Variants in TIAM1 observed in about 807,000 individuals in gnomAD.
The protein encoded by TIAM1 is TIAM Rac1 associated GEF 1.
In TIAM1, 65 loss-of-function variants were observed where a neutral mutation model predicts 163.5. The ratio of observed to expected loss-of-function variants is 0.40; its 90% CI spans 0.33 to 0.49. TIAM1 has a LOEUF of 0.49. TIAM1 is among the 20% of genes least tolerant of loss of function. TIAM1 has a pLI of 0.77. For synonymous variants in TIAM1, 833 were observed against 810.1 expected (o/e 1.03, Z -0.48); for missense variants, 1,789 against 2,044.7 (o/e 0.87, Z 2.41).
chr21:31,393,371 T>A (rs903176767), intron 2 of TIAM1, among the ~76,000 whole-genome samples: 2 of 152,244 alleles, frequency 1.3e-5, no homozygotes, highest in Non-Finnish European at 2.9e-5. Flanking sequence ...GGCTGTCCAC[T>A]GACGTCCACT....
chr21:31,136,153 G>T (rs1165161831), intron 22 of TIAM1, 112 bp from the exon 23 acceptor site: 4 of 912,734 alleles, frequency 4.4e-6, no homozygotes, highest in Non-Finnish European at 6.8e-6. Context: ...AGAAAATACT[G>T]CTCCTAAAAA....
intron 16 of TIAM1, chr21:31,160,817 T>C (rs1298574550): frequency 3.6e-6 from 1 of 280,164 alleles, no homozygotes; most frequent in Admixed American, 5.3e-5. Context: ...GGCTTTGATT[T>C]CACCTGGCTA....
chr21:31,386,304 G>A (rs963534294), intron 2 of TIAM1, among the ~76,000 whole-genome samples: 1 of 152,040 alleles, frequency 6.6e-6, no homozygotes, highest in African/African-American at 2.4e-5. Flanking sequence ...CCCTGCCCCT[G>A]GCTTCTCAGG....
intron 1 of TIAM1, among the ~76,000 whole-genome samples, chr21:31,468,650 C>A (rs2045621769): frequency 6.6e-6 from 1 of 151,968 alleles, no homozygotes; most frequent in Non-Finnish European, 1.5e-5. Flanking sequence ...GTGTCGGGTG[C>A]CTGTTGTCCC....
At chr21:31,454,166 C>A (rs542823565) in intron 2 of TIAM1, among the ~76,000 whole-genome samples, 1 of 152,288 alleles carries the variant, frequency 6.6e-6, no homozygotes, top group South Asian at 2.1e-4. Context: ...TCTCCCCCTG[C>A]TAGAATGCAA....
chr21:31,359,547 C>A (rs917069005), intron 2 of TIAM1, among the ~76,000 whole-genome samples: 1 of 152,096 alleles, frequency 6.6e-6, no homozygotes, highest in Non-Finnish European at 1.5e-5. Context: ...GTAATCCCAG[C>A]ACTTTGGGAG....
intron 2 of TIAM1, among the ~76,000 whole-genome samples, chr21:31,412,248 G>A (rs80307707): frequency 1.1e-3 from 169 of 152,272 alleles, no homozygotes; most frequent in African/African-American, 3.9e-3. Flanking sequence ...TGTAGAGTGT[G>A]GAACGATAGA....
At chr21:31,210,721 GAAAGAAAGAGAAAGAAGGAAGGAAGGGA>G (rs2086798905) in intron 10 of TIAM1, among the ~76,000 whole-genome samples, 2 of 102,068 alleles carry the variant, frequency 2.0e-5, no homozygotes, top group African/African-American at 1.0e-4. Context: ...GAAAGAGAAA[GAAAGAAAGAGAAAGAAGGAAGGAAGGGA>G]GAAAGAAAGA....
chr21:31,278,490 C>T (rs2073402474), intron 2 of TIAM1, among the ~76,000 whole-genome samples: 2 of 152,228 alleles, frequency 1.3e-5, no homozygotes, highest in Admixed American at 1.3e-4. Context: ...TCTTCCCAGA[C>T]ATTCCCCTGG....
At chr21:31,480,417 C>T (rs1215652460) in intron 1 of TIAM1, among the ~76,000 whole-genome samples, 2 of 152,210 alleles carry the variant, frequency 1.3e-5, no homozygotes, top group Non-Finnish European at 2.9e-5. Flanking sequence ...CCAAGGGAGG[C>T]TTGGGATGCA....
chr21:31,136,435 G>C (rs1188438973), intron 22 of TIAM1, among the ~76,000 whole-genome samples: 1 of 151,754 alleles, frequency 6.6e-6, no homozygotes, highest in Non-Finnish European at 1.5e-5. Flanking sequence ...GGAAATAATA[G>C]TATCATTATG....
chr21:31,400,131 T>TC (rs1236128474), intron 2 of TIAM1, among the ~76,000 whole-genome samples: 2 of 151,812 alleles, frequency 1.3e-5, no homozygotes, highest in East Asian at 3.9e-4. Context: ...TTTTTTTTTT[T>TC]CCTTTTCTTT....
chr21:31,358,549 A>G (rs1374061927), intron 2 of TIAM1, among the ~76,000 whole-genome samples: 2 of 152,100 alleles, frequency 1.3e-5, no homozygotes, highest in Non-Finnish European at 2.9e-5. Context: ...GCTAAGGGCA[A>G]TTGAACCCTC....
At chr21:31,412,496 A>T (rs1176430496) in intron 2 of TIAM1, among the ~76,000 whole-genome samples, 1 of 152,028 alleles carries the variant, frequency 6.6e-6, no homozygotes, top group African/African-American at 2.4e-5. Flanking sequence ...TATAAGGTGC[A>T]CGAAGCCAGG....
chr21:31,176,408 A>C (rs536192567), intron 15 of TIAM1, among the ~76,000 whole-genome samples: 2 of 152,136 alleles, frequency 1.3e-5, no homozygotes, highest in Non-Finnish European at 2.9e-5. Flanking sequence ...AATATGTATG[A>C]AAACAAATGC....
chr21:31,539,927 C>T (rs1177781154), intron 1 of TIAM1, among the ~76,000 whole-genome samples: 3 of 151,892 alleles, frequency 2.0e-5, no homozygotes, highest in Non-Finnish European at 2.9e-5. Flanking sequence ...AGCTGTGGTA[C>T]GCACCTGTAA....
intron 1 of TIAM1, among the ~76,000 whole-genome samples, chr21:31,483,643 T>C (rs2046183503): frequency 1.3e-5 from 2 of 151,954 alleles, no homozygotes; most frequent in African/African-American, 4.8e-5. Context: ...TCAAGATACC[T>C]ACAAAATCAA....
intron 2 of TIAM1, among the ~76,000 whole-genome samples, chr21:31,410,899 A>C (rs1276392795): frequency 6.6e-6 from 1 of 152,172 alleles, no homozygotes; most frequent in Non-Finnish European, 1.5e-5. Flanking sequence ...CAAAAGCATG[A>C]ACTCAGCTGA....
At chr21:31,396,353 T>C (rs181432003) in intron 2 of TIAM1, among the ~76,000 whole-genome samples, 4 of 152,150 alleles carry the variant, frequency 2.6e-5, no homozygotes, top group Non-Finnish European at 5.9e-5. Context: ...TGGAATGCTC[T>C]TTCTCTAGAT....
Sources: allele counts gnomAD v4.1 joint callset (sites outside exome capture counted in the v4.1 genomes callset), GRCh38; gene constraint gnomAD v4.1.1; transcripts MANE v1.5; gene names NCBI Gene and HGNC (gene_info 2026-07-23, HGNC 2026-07-21).